Variants in TLN2 observed in about 807,000 individuals in gnomAD.
The protein encoded by TLN2 is talin 2, also known as talin-2.
Under a neutral mutation model 294.7 loss-of-function variants are expected in TLN2, and 118 were observed. The ratio of observed to expected loss-of-function variants is 0.40; its 90% CI spans 0.34 to 0.47. The LOEUF (loss-of-function observed/expected upper bound fraction) is 0.47. Ranked by LOEUF, TLN2 falls within the 20% of genes least tolerant of loss-of-function variation. The pLI is 0.84. For missense variants in TLN2, 3,083 were observed against 3,282.2 expected (o/e 0.94, Z 1.48); for synonymous variants, 1,431 against 1,304.5 (o/e 1.10, Z -2.09).
chr15:62,463,066 AC>A (rs1270753431), intron 1 of TLN2, among the ~76,000 whole-genome samples: 2 of 150,874 alleles, frequency 1.3e-5, no homozygotes, highest in South Asian at 2.1e-4. Context: ...CTTTCCCCCA[AC>A]CCCCCTGCCT....
chr15:62,450,795 T>A (rs192697971), intron 1 of TLN2, among the ~76,000 whole-genome samples: 1 of 152,244 alleles, frequency 6.6e-6, no homozygotes, highest in East Asian at 1.9e-4. Flanking sequence ...GGTCTCGAAC[T>A]CCTGGGCTCA....
In TLN2 at chr15:62,414,166, ATATAT is replaced by A. The variant is rs1566953017; in HGVS notation, c.-238+23482_-238+23486del. Among the ~76,000 whole-genome samples the A allele has an allele frequency of 2.3e-3, 184 of 79,304 alleles. 19 individuals carry two copies. Among genetic ancestry groups the A allele is most frequent in the African/African-American group, 6.5e-3 (175 of 26,882 alleles). The allele number at this position is 79,304 out of a possible 152,430, so 52.0% of individuals were successfully genotyped here. A position where few individuals can be genotyped will look rare whatever the true frequency, so the allele number is the denominator to read the frequency against. On this transcript the variant is annotated intron_variant, in intron 1 of 58. Transcript: ENST00000636159. Reference sequence around the variant, plus strand: ...TGAAGTGTTAGCAAAAAAAAAAACTATATATATATATATATATATATATATAATTT... The same window carrying A: ...TGAAGTGTTAGCAAAAAAAAAAACTAATATATATATATATATATATAATTT...
At chr15:62,780,880 C>T (rs2064107477) in intron 43 of TLN2, among the ~76,000 whole-genome samples, 1 of 152,050 alleles carries the variant, frequency 6.6e-6, no homozygotes. Flanking sequence ...CCTGGTAAGA[C>T]TTGGCGGAAA....
chr15:62,415,901 C>G (rs957215838), intron 1 of TLN2, among the ~76,000 whole-genome samples: 1 of 152,136 alleles, frequency 6.6e-6, no homozygotes, highest in Non-Finnish European at 1.5e-5. Flanking sequence ...TAAAGGGACC[C>G]TATTTTAGTT....
intron 1 of TLN2, among the ~76,000 whole-genome samples, chr15:62,433,854 T>A (rs1383555383): frequency 6.6e-6 from 1 of 152,014 alleles, no homozygotes; most frequent in Admixed American, 6.6e-5. Context: ...CCAGGAGTGA[T>A]GGCAGGTACC....
At chr15:62,424,646 CTTT>C (rs1028017683) in intron 1 of TLN2, among the ~76,000 whole-genome samples, 18 of 146,320 alleles carry the variant, frequency 1.2e-4, no homozygotes, top group African/African-American at 4.2e-4. Flanking sequence ...CCCTATTTTT[CTTT>C]TTCCTTTTTT....
intron 1 of TLN2, among the ~76,000 whole-genome samples, chr15:62,498,444 C>T (rs1701734): frequency 0.3 from 46,220 of 151,976 alleles, 8,363 homozygotes; most frequent in African/African-American, 0.51. Context: ...TGGAAGGCCT[C>T]CTGAGGAGTT....
rs898376200 is a variant in TLN2 at position 62,837,295 on chromosome 15, T to C, written c.7374+1222T>C. On this transcript the variant is annotated intron_variant, in intron 57 of 58. Transcript: ENST00000636159. ...GGAGCTGCATGTTCGTTTGTGAATA[T>C]GTGATTTCTGGGTCTGGGGGACACT... 2.6e-5 allele frequency among the ~76,000 whole-genome samples: 4 copies of C among 152,208 alleles called. No homozygotes were observed. The South Asian group carries it at 6.2e-4, about 24-fold the overall frequency.
chr15:62,524,489 G>A (rs537698020), intron 1 of TLN2, among the ~76,000 whole-genome samples: 6 of 152,168 alleles, frequency 3.9e-5, no homozygotes, highest in Admixed American at 6.5e-5. Flanking sequence ...AAGCGAGACT[G>A]TGTCCCCTGG....
intron 2 of TLN2, among the ~76,000 whole-genome samples, chr15:62,599,296 G>T (rs969494432): frequency 2.0e-5 from 3 of 152,170 alleles, no homozygotes; most frequent in African/African-American, 7.2e-5. Context: ...GACCAAGGGT[G>T]ATGTCCCACA....
chr15:62,761,609 A>G, intron 37 of TLN2, 72 bp from the exon 38 acceptor site: 1 of 1,597,888 alleles, frequency 6.3e-7, no homozygotes, highest in East Asian at 2.2e-5. Flanking sequence ...TTTCACTAAG[A>G]GGTGATTACT....
At chr15:62,553,193 A>G (rs933739370) in intron 1 of TLN2, among the ~76,000 whole-genome samples, 6 of 152,220 alleles carry the variant, frequency 3.9e-5, no homozygotes, top group Non-Finnish European at 8.8e-5. Flanking sequence ...TGCATTTTTC[A>G]TATTATTTAA....
intron 1 of TLN2, among the ~76,000 whole-genome samples, chr15:62,472,842 T>A (rs2037559437): frequency 6.6e-6 from 1 of 152,212 alleles, no homozygotes; most frequent in Non-Finnish European, 1.5e-5. Context: ...GAAGGTAAAC[T>A]GACTGTGAGT....
chr15:62,631,487 C>T, intron 3 of TLN2, among the ~76,000 whole-genome samples: 1 of 149,750 alleles, frequency 6.7e-6, no homozygotes, highest in Admixed American at 6.7e-5. Context: ...TCTTTTCTTT[C>T]TTTCTTTCTT....
chr15:62,840,019 C>T (rs1252952606), intron 58 of TLN2, among the ~76,000 whole-genome samples: 2 of 152,186 alleles, frequency 1.3e-5, no homozygotes, highest in Non-Finnish European at 1.5e-5. Context: ...CATTTGAGGG[C>T]CATCTGGTGG....
At chr15:62,467,414 C>G (rs938920730) in intron 1 of TLN2, among the ~76,000 whole-genome samples, 1 of 152,102 alleles carries the variant, frequency 6.6e-6, no homozygotes, top group African/African-American at 2.4e-5. Context: ...ATTTTAAGGC[C>G]GGCTGTGGTG....
chr15:62,556,561 G>T (rs895023566), intron 1 of TLN2, among the ~76,000 whole-genome samples: 1 of 151,884 alleles, frequency 6.6e-6, no homozygotes, highest in African/African-American at 2.4e-5. Context: ...AGCCTCCTAC[G>T]GTGCTGGAAT....
In TLN2 at chr15:62,763,619, G is replaced by C; in HGVS notation, c.5018G>C (p.Cys1673Ser). The change falls in exon 40 of 59, where the codon TGC (cysteine) becomes TCC (serine). Residue 1673 changes from cysteine to serine, a missense_variant. Cys to Ser is a moderately radical substitution (Grantham distance 112). Coordinates refer to ENST00000636159, the MANE Select transcript of TLN2 (RefSeq NM_015059.3). ...CDYSIDGINR[C>S]IRDIEQASLA... is the part of the protein sequence containing the mutation. ...TACTCCATCGATGGCATCAACCGGT[G>C]CATCCGGGACATCGAGCAGGCCTCG... The C allele has an allele frequency of 6.2e-7, 1 of 1,613,718 alleles. No individual in the cohort carries two copies. The highest frequency in any genetic ancestry group is 1.3e-5 in the African/African-American group (1 of 75,052).
intron 3 of TLN2, among the ~76,000 whole-genome samples, chr15:62,639,772 C>T (rs570773322): frequency 6.6e-6 from 1 of 152,268 alleles, no homozygotes; most frequent in South Asian, 2.1e-4. Context: ...GGGTTCCCAC[C>T]AGTTGGGAAG....
Sources: allele counts gnomAD v4.1 joint callset (sites outside exome capture counted in the v4.1 genomes callset), GRCh38; gene constraint gnomAD v4.1.1; transcripts MANE v1.5; gene names NCBI Gene and HGNC (gene_info 2026-07-23, HGNC 2026-07-21).